RBM5: variants seen among roughly 807,000 people sequenced by gnomAD.
RBM5 encodes RNA-binding protein 5.
In RBM5, 15 loss-of-function variants were observed where a neutral mutation model predicts 124.6. The observed-to-expected ratio is 0.12, with a 90% CI of 0.08 to 0.19. RBM5 has a LOEUF of 0.19. Ranked by LOEUF, RBM5 falls within the 10% of genes least tolerant of loss-of-function variation. The pLI, the probability that RBM5 is intolerant of heterozygous loss-of-function variation, is 1.00. For synonymous variants in RBM5, 337 were observed against 361.2 expected, an observed-to-expected ratio of 0.93 and a Z score of 0.76; for missense variants, 580 against 1,026.5, an observed-to-expected ratio of 0.57 and a Z score of 5.94.
chr3:50,104,769 T>C (rs889890458), intron 8 of RBM5: 2 of 335,822 alleles, frequency 6.0e-6, no homozygotes, highest in African/African-American at 2.1e-5. Context: ...GGTTAGATAA[T>C]GCTGCTCATG....
At chr3:50,101,154 G>A (rs2090931663) in intron 6 of RBM5, 1 of 152,220 alleles carries the variant, frequency 6.6e-6, no homozygotes, top group African/African-American at 2.4e-5. Context: ...AATCTAGTTA[G>A]AGTGGCATTA....
Position 50,096,829 on chromosome 3 carries a change from A to T in RBM5, c.339+2954A>T, listed in dbSNP as rs144378369. On this transcript the variant is annotated intron_variant, in intron 4 of 24. Transcript: ENST00000347869. ...TCTTTATTGCCTAGACTGGTCTTGA[A>T]CTCTTGTCTTCAATCAATCCTCCCG... Among the ~76,000 whole-genome samples the T allele has an allele frequency of 6.0e-5, 9 of 149,564 alleles. No individual in the cohort carries two copies. In the East Asian group the frequency reaches 1.8e-3, roughly 30 times the overall value.
At chr3:50,107,454 T>C (rs1239977521) in intron 11 of RBM5, 28 bp from the exon 12 acceptor site, 2 of 1,525,954 alleles carry the variant, frequency 1.3e-6, no homozygotes, top group Admixed American at 1.7e-5. Flanking sequence ...TGTGATAGAA[T>C]CACATGATTG....
chr3:50,101,631 T>G (rs1253995580), intron 6 of RBM5: 1 of 152,200 alleles, frequency 6.6e-6, no homozygotes, highest in African/African-American at 2.4e-5. Context: ...ATATACAAGG[T>G]TCATGTGAGT....
intron 1 of RBM5, among the ~76,000 whole-genome samples, chr3:50,089,614 C>G (rs551904357): frequency 2.0e-5 from 3 of 152,216 alleles, no homozygotes; most frequent in Non-Finnish European, 4.4e-5. Flanking sequence ...TTGTTTCCCC[C>G]CAGTGGTTCT....
rs776749016 is a variant in RBM5 at position 50,117,402 on chromosome 3, G to A, written c.2322+23G>A. ...GAGGTAAGCAGTGGGGTCAGGTCTT[G>A]ATGTTTGCCAGGCTTACAGGCCGGT... On this transcript the variant is annotated intron_variant, in intron 24 of 24. Transcript: ENST00000347869. The surrounding 1 kb of genome is among the most constrained non-coding windows in gnomAD (Gnocchi z 4.2). The A allele has an allele frequency of 6.2e-7, 1 of 1,612,484 alleles. No individual in the cohort carries two copies. The highest frequency in any genetic ancestry group is 1.1e-5 in the South Asian group (1 of 90,982).
At chr3:50,107,712 G>C in intron 12 of RBM5, 143 bp downstream of exon 12, 1 of 391,722 alleles carries the variant, frequency 2.6e-6, no homozygotes, top group South Asian at 2.7e-5. Context: ...TTGAGACAGA[G>C]TATCACTCTC....
At chr3:50,103,240 C>A in intron 7 of RBM5, 74 bp downstream of exon 7, 1 of 1,222,466 alleles carries the variant, frequency 8.2e-7, no homozygotes, top group Non-Finnish European at 1.2e-6. Context: ...GTTTATTTGA[C>A]TGTCCAAACA....
At chr3:50,105,503 G>A in intron 9 of RBM5, 46 bp from the exon 10 acceptor site, 1 of 1,588,444 alleles carries the variant, frequency 6.3e-7, no homozygotes, top group African/African-American at 1.3e-5. Flanking sequence ...TTGGTACATT[G>A]GTGGTGGGAA....
At chr3:50,098,847 T>G (rs1046280127) in intron 4 of RBM5, among the ~76,000 whole-genome samples, 3 of 152,160 alleles carry the variant, frequency 2.0e-5, no homozygotes. Context: ...CCCAAAGCGC[T>G]AGGATTATAG....
Position 50,088,942 on chromosome 3 carries a change from G to C in RBM5, c.-141G>C, listed in dbSNP as rs1368765004. 2 of 152,272 alleles carry C rather than the reference G, an allele frequency of 1.3e-5. No individual in the cohort carries two copies. The highest frequency in any genetic ancestry group is 2.9e-5 in the Non-Finnish European group (2 of 68,102). The allele number at this position is 152,272 out of a possible 1,614,324, so 9.4% of individuals were successfully genotyped here. On this transcript the variant is annotated 5_prime_UTR_variant, in exon 1 of 25. Coordinates refer to ENST00000347869, the MANE Select transcript of RBM5 (RefSeq NM_005778.4). ...GTACTGTGGGTAGGAGACGGCCGTCGGCGGAGGCGCCATTTTGTGTAGCCG... is the reference window on the plus strand; with the variant it reads ...GTACTGTGGGTAGGAGACGGCCGTCCGCGGAGGCGCCATTTTGTGTAGCCG...
At chr3:50,089,091 C>G (rs1041305101) in intron 1 of RBM5, 62 bp downstream of exon 1, 1 of 152,382 alleles carries the variant, frequency 6.6e-6, no homozygotes, top group Non-Finnish European at 1.5e-5. Context: ...GCCCCCAAGC[C>G]TCCCTTGTCA....
chr3:50,090,339 T>G, intron 1 of RBM5, 43 bp from the exon 2 acceptor site: 1 of 1,397,148 alleles, frequency 7.2e-7, no homozygotes. Flanking sequence ...CTGACTTAAG[T>G]GATCTCTGAG....
rs1258796454 is a variant in RBM5, at chr3:50,092,125, C to T, written c.100C>T (p.Arg34Trp). The change falls in exon 3 of 25, where the codon CGG (arginine) becomes TGG (tryptophan). Residue 34 changes from arginine (R) to tryptophan (W), a missense_variant. Arg to Trp is a moderately radical substitution (Grantham distance 101). Around this residue, in one of 6 missense-constraint regions of RBM5, gnomAD observed 99 missense variants for 121.1 expected, o/e 0.82. Transcript: ENST00000347869. ...TGATGAGCGTGAATCCCGAAGCAGG[C>T]GGAGGGACTCAGATTACAAAAGATC... ...DRDERESRSR[R>W]RDSDYKRSSD... The T allele has an allele frequency of 7.4e-6, 12 of 1,613,826 alleles. No homozygotes were observed. The East Asian group carries it at 1.6e-4, about 21-fold the overall frequency.
At chr3:50,105,249 A>G in intron 9 of RBM5, 107 bp downstream of exon 9, 2 of 965,764 alleles carry the variant, frequency 2.1e-6, no homozygotes, top group African/African-American at 1.6e-5. Flanking sequence ...TCTACTAAAA[A>G]TACAAAAAAT....
chr3:50,091,710 A>T (rs1341165586), intron 2 of RBM5, among the ~76,000 whole-genome samples: 1 of 152,164 alleles, frequency 6.6e-6, no homozygotes, highest in East Asian at 1.9e-4. Flanking sequence ...GGTCACTAAG[A>T]TCTGAATCAG....
In RBM5 at chr3:50,118,418, C is replaced by A; in HGVS notation, c.2410C>A (p.Arg804=). 6.2e-7 allele frequency: 1 copy of A among 1,613,952 alleles called. No individual in the cohort carries two copies. The stretch of plus-strand genomic sequence containing the variant: ...CGCCGATTCCTACAAAGATGCTGTC[C>A]GGAAAGCCATGTTTGCCCGGTTCAC... The part of the protein sequence containing the change: ...SGADSYKDAV[R]KAMFARFTEM... The change falls in exon 25 of 25, where the codon CGG becomes AGG. Residue 804 remains arginine, a synonymous_variant. Transcript: ENST00000347869.
chr3:50,089,594 G>A (rs2090665555), intron 1 of RBM5, among the ~76,000 whole-genome samples: 1 of 152,244 alleles, frequency 6.6e-6, no homozygotes, highest in South Asian at 2.1e-4. Context: ...CAGTGAATAT[G>A]CCCCGGGACT....
intron 17 of RBM5, 153 bp from the exon 18 acceptor site, chr3:50,113,218 TAGGTGGTTCATC>T (rs1456800898): frequency 1.5e-5 from 9 of 583,598 alleles, no homozygotes; most frequent in Middle Eastern, 9.5e-4. Context: ...ACCTCTTTGC[TAGGTGGTTCATC>T]ACCTTTACTT....
Sources: gnomAD v4.1 joint callset for allele counts (sites outside exome capture counted in the v4.1 genomes callset) on GRCh38, gnomAD v4.1.1 for gene constraint, gnomAD v4.1.1 regional missense constraint, Gnocchi (gnomAD v3.1) non-coding constraint, MANE v1.5 for transcripts, NCBI Gene and HGNC (gene_info 2026-07-23, HGNC 2026-07-21) for gene names.